Variants in ADAMTSL1 observed in about 807,000 individuals in gnomAD.
The protein encoded by ADAMTSL1 is ADAMTS-like protein 1.
Under a neutral mutation model 201.8 loss-of-function variants are expected in ADAMTSL1, and 126 were observed. The ratio of observed to expected loss-of-function variants is 0.62; its 90% CI spans 0.54 to 0.72. ADAMTSL1 has a LOEUF of 0.72. Ranked by LOEUF, ADAMTSL1 falls within the 30% of genes least tolerant of loss-of-function variation. The probability of loss-of-function intolerance (pLI) is 0.00; values close to 1 mark genes in which losing one functional copy is unlikely to be tolerated. For missense variants in ADAMTSL1, 2,679 were observed against 2,277.8 expected, an observed-to-expected ratio of 1.18 and a Z score of -3.59; for synonymous variants, 1,121 against 903.4, an observed-to-expected ratio of 1.24 and a Z score of -4.32.
intron 2 of ADAMTSL1, among the ~76,000 whole-genome samples, chr9:18,177,206 A>T (rs1828207489): frequency 6.6e-6 from 1 of 152,222 alleles, no homozygotes; most frequent in South Asian, 2.1e-4. Flanking sequence ...TGTATTACAT[A>T]TGCCCCAAAG....
chr9:18,492,823 G>A (rs952013889), intron 1 of ADAMTSL1, among the ~76,000 whole-genome samples: 2 of 152,180 alleles, frequency 1.3e-5, no homozygotes, highest in African/African-American at 4.8e-5. Context: ...AGAGAACTAA[G>A]TTGCCTAAAA....
At chr9:18,385,376 G>C (rs1022291808) in intron 2 of ADAMTSL1, among the ~76,000 whole-genome samples, 5 of 152,058 alleles carry the variant, frequency 3.3e-5, no homozygotes, top group Admixed American at 6.6e-5. Context: ...TCATTCTATG[G>C]TTAAATGAAT....
chr9:17,929,940 C>T (rs1449399224), intron 1 of ADAMTSL1, among the ~76,000 whole-genome samples: 1 of 152,156 alleles, frequency 6.6e-6, no homozygotes, highest in Non-Finnish European at 1.5e-5. Flanking sequence ...ATATATGTCA[C>T]ATCTAGTTCA....
chr9:18,787,744 TTAATC>T (rs1267324429), intron 19 of ADAMTSL1, among the ~76,000 whole-genome samples: 1 of 152,148 alleles, frequency 6.6e-6, no homozygotes, highest in Non-Finnish European at 1.5e-5. Flanking sequence ...AGATAATACT[TTAATC>T]TATATGCTAG....
chr9:18,503,051 T>G lies in ADAMTSL1; in HGVS notation c.64-1778T>G, dbSNP rs78207693. On this transcript the variant is annotated intron_variant, in intron 1 of 28. Coordinates refer to ENST00000380548, the MANE Select transcript of ADAMTSL1 (RefSeq NM_001040272.6). ...GCCAGTGAAATGTACTAACACAAAA[T>G]TTAACATTTTAACTATTTTTAAGTA... is the stretch of plus-strand genomic sequence containing the variant. Among the ~76,000 whole-genome samples the G allele has an allele frequency of 7.9e-5, 12 of 152,262 alleles. No homozygotes were observed. The East Asian group carries it at 2.3e-3, about 29-fold the overall frequency.
intron 1 of ADAMTSL1, among the ~76,000 whole-genome samples, chr9:18,033,947 T>C (rs2131614797): frequency 6.6e-6 from 1 of 152,346 alleles, no homozygotes; most frequent in East Asian, 1.9e-4. Flanking sequence ...TAACAAGTTT[T>C]GTCTCTGTTA....
chr9:18,324,974 A>G (rs1027950686), intron 2 of ADAMTSL1, among the ~76,000 whole-genome samples: 8 of 152,194 alleles, frequency 5.3e-5, no homozygotes, highest in African/African-American at 1.9e-4. Flanking sequence ...ATATATGGAC[A>G]GCCAATAAAT....
chr9:18,660,313 C>G (rs887826536), intron 8 of ADAMTSL1, among the ~76,000 whole-genome samples: 1 of 152,176 alleles, frequency 6.6e-6, no homozygotes, highest in Admixed American at 6.5e-5. Flanking sequence ...GTTCTCTTCT[C>G]TGTTTCTGGT....
At chr9:18,249,046 C>G (rs186066415) in intron 2 of ADAMTSL1, among the ~76,000 whole-genome samples, 43 of 152,162 alleles carry the variant, frequency 2.8e-4, no homozygotes, top group African/African-American at 5.1e-4. Flanking sequence ...TGAGAGGATT[C>G]TTGGATGTTG....
chr9:18,622,274 C>T lies in ADAMTSL1; in HGVS notation c.506C>T (p.Thr169Ile). 2 of 1,613,944 alleles carry T rather than the reference C, an allele frequency of 1.2e-6. No individual in the cohort carries two copies. The highest frequency in any genetic ancestry group is 1.7e-6 in the Non-Finnish European group (2 of 1,179,924). The change falls in exon 5 of 29, where the codon ACC (threonine) becomes ATC (isoleucine). Residue 169 changes from threonine to isoleucine, a missense_variant. Thr to Ile is a moderately conservative substitution (Grantham distance 89, BLOSUM62 -1). Coordinates refer to ENST00000380548, the MANE Select transcript of ADAMTSL1 (RefSeq NM_001040272.6). Reference protein sequence around the residue: ...IVGCDHQLGSTVKEDNCGVCN... With the variant: ...IVGCDHQLGSIVKEDNCGVCN... ...GGCTGCGATCACCAGCTGGGAAGCA[C>T]CGTCAAGGAAGATAACTGTGGGGTC...
intron 7 of ADAMTSL1, among the ~76,000 whole-genome samples, chr9:18,650,867 C>T (rs1316116028): frequency 2.6e-5 from 4 of 152,144 alleles, no homozygotes; most frequent in Non-Finnish European, 5.9e-5. Flanking sequence ...TGCTTTGCCT[C>T]ATCAAACCTG....
intron 7 of ADAMTSL1, among the ~76,000 whole-genome samples, chr9:18,649,869 C>A (rs1347701531): frequency 1.3e-5 from 2 of 152,118 alleles, no homozygotes; most frequent in Admixed American, 6.5e-5. Flanking sequence ...GGCAGTCTGC[C>A]CGTTCTCAGA....
intron 2 of ADAMTSL1, among the ~76,000 whole-genome samples, chr9:18,305,971 C>A (rs985644579): frequency 7.9e-5 from 12 of 152,184 alleles, no homozygotes; most frequent in Non-Finnish European, 1.5e-5. Context: ...CAGCTGGCAT[C>A]TGGCAGGTGC....
chr9:18,605,945 G>A (rs1824983886), intron 4 of ADAMTSL1, among the ~76,000 whole-genome samples: 1 of 152,154 alleles, frequency 6.6e-6, no homozygotes, highest in Admixed American at 6.5e-5. Context: ...AAGTCAGCAT[G>A]CTCTGGAATT....
At chr9:18,182,194 C>T (rs11789853) in intron 2 of ADAMTSL1, among the ~76,000 whole-genome samples, 19 of 148,768 alleles carry the variant, frequency 1.3e-4, no homozygotes, top group African/African-American at 2.2e-4. Context: ...TGCTAGATGA[C>T]GAGTTAGTGG....
At chr9:18,193,111 T>C (rs1415821819) in intron 2 of ADAMTSL1, among the ~76,000 whole-genome samples, 1 of 152,096 alleles carries the variant, frequency 6.6e-6, no homozygotes, top group Non-Finnish European at 1.5e-5. Flanking sequence ...GCTAAATAAA[T>C]AAATAAAGCT....
At chr9:17,924,983 A>G (rs1588424733) in intron 1 of ADAMTSL1, among the ~76,000 whole-genome samples, 1 of 127,794 alleles carries the variant, frequency 7.8e-6, no homozygotes, top group African/African-American at 2.8e-5. Flanking sequence ...TCCAGAATCT[A>G]CAATGAACTC....
chr9:18,112,799 C>T (rs1825083116), intron 1 of ADAMTSL1, among the ~76,000 whole-genome samples: 1 of 152,166 alleles, frequency 6.6e-6, no homozygotes, highest in Non-Finnish European at 1.5e-5. Flanking sequence ...GAGATGCCAT[C>T]CATTCACTGC....
At chr9:18,839,319 T>C (rs973887090) in intron 23 of ADAMTSL1, among the ~76,000 whole-genome samples, 1 of 151,796 alleles carries the variant, frequency 6.6e-6, no homozygotes, top group African/African-American at 2.4e-5. Flanking sequence ...TTACTGAGAA[T>C]GATGATTTCC....
Sources: allele counts gnomAD v4.1 joint callset (sites outside exome capture counted in the v4.1 genomes callset), GRCh38; gene constraint gnomAD v4.1.1; transcripts MANE v1.5; gene names NCBI Gene and HGNC (gene_info 2026-07-23, HGNC 2026-07-21).